Variants in KMO observed in about 807,000 individuals in gnomAD.
KMO encodes the protein kynurenine 3-monooxygenase, also known as kynurenine 3-hydroxylase.
In KMO, 24 loss-of-function variants were observed where a neutral mutation model predicts 57.8. The observed-to-expected ratio is 0.42, with a 90% CI of 0.30 to 0.58. KMO has a LOEUF of 0.58. KMO is among the 20% of genes least tolerant of loss of function. The probability of loss-of-function intolerance (pLI) is 0.22; values close to 1 mark genes in which losing one functional copy is unlikely to be tolerated. For synonymous variants in KMO, 210 were observed against 193.6 expected, an observed-to-expected ratio of 1.08 and a Z score of -0.70; for missense variants, 483 against 588.2, an observed-to-expected ratio of 0.82 and a Z score of 1.85.
intron 4 of KMO, among the ~76,000 whole-genome samples, chr1:241,552,167 AGT>A (rs749976149): frequency 5.5e-4 from 59 of 108,072 alleles, no homozygotes; most frequent in South Asian, 1.2e-3. Context: ...TGTGAGTGTG[AGT>A]GTGTGTGAGA....
intron 1 of KMO, among the ~76,000 whole-genome samples, chr1:241,533,341 C>T (rs1660640234): frequency 6.6e-6 from 1 of 152,186 alleles, no homozygotes; most frequent in South Asian, 2.1e-4. Context: ...ATCCACTCAA[C>T]AAAAAATTTA....
chr1:241,571,581 T>C (rs1443059437), intron 10 of KMO, among the ~76,000 whole-genome samples: 1 of 152,154 alleles, frequency 6.6e-6, no homozygotes, highest in African/African-American at 2.4e-5. Context: ...ATATGAGGTA[T>C]CACTTTTATT....
At chr1:241,533,877 T>G (rs1178931392) in intron 1 of KMO, among the ~76,000 whole-genome samples, 1 of 152,150 alleles carries the variant, frequency 6.6e-6, no homozygotes, top group African/African-American at 2.4e-5. Flanking sequence ...ACCTGAATGA[T>G]CAGATAGAAC....
intron 10 of KMO, among the ~76,000 whole-genome samples, chr1:241,576,339 G>A (rs1266951124): frequency 6.6e-6 from 1 of 151,902 alleles, no homozygotes; most frequent in Non-Finnish European, 1.5e-5. Flanking sequence ...TCTTCATTGT[G>A]TTATGTTTTG....
intron 10 of KMO, among the ~76,000 whole-genome samples, chr1:241,583,589 G>A (rs1662840716): frequency 6.6e-6 from 1 of 152,202 alleles, no homozygotes; most frequent in Non-Finnish European, 1.5e-5. Flanking sequence ...ACTGCCTGGA[G>A]TTGAAGAAGA....
intron 10 of KMO, among the ~76,000 whole-genome samples, chr1:241,584,400 G>C (rs972757166): frequency 6.6e-6 from 1 of 152,198 alleles, no homozygotes; most frequent in Non-Finnish European, 1.5e-5. Context: ...CACTGTTGGT[G>C]GGAGTGTAAA....
At chr1:241,535,821 C>T (rs1660732733) in intron 1 of KMO, among the ~76,000 whole-genome samples, 1 of 152,228 alleles carries the variant, frequency 6.6e-6, no homozygotes, top group African/African-American at 2.4e-5. Flanking sequence ...AAGGTAACTG[C>T]AGGACAATCA....
chr1:241,536,832 C>A (rs1171218327), intron 1 of KMO, among the ~76,000 whole-genome samples: 1 of 151,982 alleles, frequency 6.6e-6, no homozygotes, highest in Non-Finnish European at 1.5e-5. Flanking sequence ...TGTGCCCTGC[C>A]CCCTGGAATT....
chr1:241,558,079 A>G (rs1466340657), intron 5 of KMO, among the ~76,000 whole-genome samples: 1 of 152,234 alleles, frequency 6.6e-6, no homozygotes, highest in African/African-American at 2.4e-5. Context: ...AGCTTGGATC[A>G]CACTGTTAGT....
In KMO at chr1:241,551,043, A is replaced by G. The variant is rs751920928; in HGVS notation, c.311A>G (p.Gln104Arg). 1 of 1,518,422 alleles carries G rather than the reference A, an allele frequency of 6.6e-7. No homozygotes were observed. The highest frequency in any genetic ancestry group is 9.0e-7 in the Non-Finnish European group (1 of 1,112,300). The allele number at this position is 1,518,422 out of a possible 1,614,324, so 94.1% of individuals were successfully genotyped here. A position where few individuals can be genotyped will look rare whatever the true frequency, so the allele number is the denominator to read the frequency against. ...KSAIPYGTKS[Q>R]YILSVSRENL... is the part of the protein sequence containing the mutation. Reference sequence around the variant, plus strand: ...GCAATTCCCTATGGGACAAAGTCTCAGGTAGGTTTACCCCGGAGATCATTG... The same window carrying G: ...GCAATTCCCTATGGGACAAAGTCTCGGGTAGGTTTACCCCGGAGATCATTG... Residue 104 changes from glutamine (Q) to arginine (R), a missense_variant and splice_region_variant, in exon 4 of 15, where the codon CAG (glutamine) becomes CGG (arginine). Transcript: ENST00000366559.
intron 6 of KMO, among the ~76,000 whole-genome samples, chr1:241,561,727 C>A (rs1424181457): frequency 6.6e-6 from 1 of 152,206 alleles, no homozygotes; most frequent in Non-Finnish European, 1.5e-5. Flanking sequence ...ATTCAAGATT[C>A]TCTTCTTTTC....
chr1:241,538,689 C>T (rs1455061010), intron 1 of KMO, among the ~76,000 whole-genome samples: 1 of 152,136 alleles, frequency 6.6e-6, no homozygotes, highest in Non-Finnish European at 1.5e-5. Context: ...TCATTAGTGG[C>T]CCATATCTAG....
At chr1:241,536,016 T>G (rs1043337181) in intron 1 of KMO, among the ~76,000 whole-genome samples, 1 of 152,204 alleles carries the variant, frequency 6.6e-6, no homozygotes, top group Middle Eastern at 3.2e-3. Context: ...CAGTGCCTTA[T>G]AATGTGAGCC....
Position 241,592,275 on chromosome 1 carries a change from C to A in KMO, c.*122C>A. ...AGATAGTGTTCTGCTTATAATTAAACTGAATGTAGAGTATCTCTGTATGTT... is the reference window on the plus strand; with the variant it reads ...AGATAGTGTTCTGCTTATAATTAAAATGAATGTAGAGTATCTCTGTATGTT... On this transcript the variant is annotated 3_prime_UTR_variant, in exon 15 of 15. Coordinates refer to ENST00000366559, the MANE Select transcript of KMO (RefSeq NM_003679.5). 1 of 715,022 alleles carries A rather than the reference C, an allele frequency of 1.4e-6. No individual in the cohort carries two copies. Among genetic ancestry groups the A allele is most frequent in the Non-Finnish European group, 2.3e-6 (1 of 426,690 alleles). The allele number at this position is 715,022 out of a possible 1,614,324, so 44.3% of individuals were successfully genotyped here. A position where few individuals can be genotyped will look rare whatever the true frequency, so the allele number is the denominator to read the frequency against.
intron 10 of KMO, among the ~76,000 whole-genome samples, chr1:241,580,896 T>G (rs763355477): frequency 6.6e-6 from 1 of 151,276 alleles, no homozygotes; most frequent in Non-Finnish European, 1.5e-5. Context: ...ATTTTATGTC[T>G]TGATGATCTG....
chr1:241,550,138 A>T (rs1661343618), intron 3 of KMO: 1 of 163,934 alleles, frequency 6.1e-6, no homozygotes, highest in Non-Finnish European at 1.3e-5. Flanking sequence ...TACTCCAAAA[A>T]GACTCTGAAA....
intron 10 of KMO, among the ~76,000 whole-genome samples, chr1:241,578,427 G>A (rs1662613856): frequency 1.3e-5 from 2 of 152,212 alleles, no homozygotes; most frequent in African/African-American, 4.8e-5. Flanking sequence ...TTTCCCCTGG[G>A]AATAGGAGTC....
chr1:241,557,166 A>G (rs76466081), intron 5 of KMO, among the ~76,000 whole-genome samples: 5,117 of 152,284 alleles, frequency 0.034, 128 homozygotes, highest in South Asian at 0.074. Flanking sequence ...GTGTAACTAA[A>G]AAAAGCCTAC....
intron 10 of KMO, among the ~76,000 whole-genome samples, chr1:241,573,964 C>G (rs1316244686): frequency 6.6e-6 from 1 of 151,978 alleles, no homozygotes; most frequent in Non-Finnish European, 1.5e-5. Context: ...TTGTAGCTCT[C>G]TTTTTAGGGA....
Sources: gnomAD v4.1 joint callset for allele counts (sites outside exome capture counted in the v4.1 genomes callset) on GRCh38, gnomAD v4.1.1 for gene constraint, MANE v1.5 for transcripts, NCBI Gene and HGNC (gene_info 2026-07-23, HGNC 2026-07-21) for gene names.